CDH4: variants seen among roughly 807,000 people sequenced by gnomAD.
The protein encoded by CDH4 is cadherin-4.
In CDH4, 33 loss-of-function variants were observed where a neutral mutation model predicts 86.0. That is an observed-to-expected ratio of 0.38 (90% CI 0.29 to 0.51). The LOEUF (loss-of-function observed/expected upper bound fraction) is 0.51. Among genes scored for constraint, CDH4 ranks in the 20% least tolerant of loss-of-function variants. The probability of loss-of-function intolerance (pLI) is 0.86; values close to 1 mark genes in which losing one functional copy is unlikely to be tolerated. For synonymous variants in CDH4, 555 were observed against 549.4 expected, an observed-to-expected ratio of 1.01 and a Z score of -0.14; for missense variants, 1,114 against 1,307.4, an observed-to-expected ratio of 0.85 and a Z score of 2.28.
intron 4 of CDH4, among the ~76,000 whole-genome samples, chr20:61,813,966 G>C (rs1980576311): frequency 6.6e-6 from 1 of 152,214 alleles, no homozygotes; most frequent in Non-Finnish European, 1.5e-5. Flanking sequence ...TGTAGCAGGA[G>C]TCCATACGTG....
chr20:61,598,342 A>AC (rs202043934), intron 2 of CDH4, among the ~76,000 whole-genome samples: 22 of 61,032 alleles, frequency 3.6e-4, no homozygotes, highest in Admixed American at 9.0e-4. Context: ...CTGGGACCCC[A>AC]CCCCCCCGGC....
At chr20:61,362,276 G>A (rs934991612) in intron 2 of CDH4, among the ~76,000 whole-genome samples, 3 of 152,222 alleles carry the variant, frequency 2.0e-5, no homozygotes, top group African/African-American at 7.2e-5. Context: ...GTTTTGGGGT[G>A]ATGGAAGCCA....
intron 2 of CDH4, among the ~76,000 whole-genome samples, chr20:61,467,295 A>C (rs2085477788): frequency 6.6e-6 from 1 of 152,210 alleles, no homozygotes; most frequent in Non-Finnish European, 1.5e-5. Flanking sequence ...ATTTCAATTC[A>C]CCACAATGAC....
At chr20:61,881,305 A>G (rs188030000) in intron 7 of CDH4, among the ~76,000 whole-genome samples, 10 of 152,358 alleles carry the variant, frequency 6.6e-5, no homozygotes, top group African/African-American at 1.7e-4. Flanking sequence ...GACGATGGCC[A>G]TGGAGTCTGA....
At position 61,296,026 on chromosome 20, in the gene CDH4, G is replaced by A. The variant is rs925099924; in HGVS notation, c.169+41089G>A. On this transcript the variant is annotated intron_variant, in intron 2 of 15. Coordinates refer to ENST00000614565, the MANE Select transcript of CDH4 (RefSeq NM_001794.5). ...TGGTTTTCAGGAGGACGGAGAAGGGGTGGGGAGTAGTTAATGGCCGAGCCA... is the reference window on the plus strand; with the variant it reads ...TGGTTTTCAGGAGGACGGAGAAGGGATGGGGAGTAGTTAATGGCCGAGCCA... Among the ~76,000 whole-genome samples the A allele has an allele frequency of 5.9e-5, 9 of 152,188 alleles. No homozygotes were observed. The South Asian group carries it at 1.9e-3, about 31-fold the overall frequency.
intron 2 of CDH4, among the ~76,000 whole-genome samples, chr20:61,409,127 G>T (rs1454859953): frequency 6.6e-6 from 1 of 152,202 alleles, no homozygotes; most frequent in African/African-American, 2.4e-5. Flanking sequence ...GGCTGCACCG[G>T]CCACTCCATC....
chr20:61,601,350 G>C (rs1285637284), intron 2 of CDH4, among the ~76,000 whole-genome samples: 1 of 152,086 alleles, frequency 6.6e-6, no homozygotes, highest in Non-Finnish European at 1.5e-5. Flanking sequence ...TCCAACACTG[G>C]GGATCACAGT....
At chr20:61,921,780 A>G (rs1490524682) in intron 9 of CDH4, among the ~76,000 whole-genome samples, 1 of 151,906 alleles carries the variant, frequency 6.6e-6, no homozygotes, top group Non-Finnish European at 1.5e-5. Context: ...TCAAAGCTCT[A>G]TGATAAGAAA....
chr20:61,855,705 C>T (rs953598521), intron 6 of CDH4, among the ~76,000 whole-genome samples: 2 of 152,248 alleles, frequency 1.3e-5, no homozygotes, highest in Non-Finnish European at 2.9e-5. Context: ...ATTGCGGAGA[C>T]GTGGCCCCGT....
chr20:61,426,515 G>T (rs559319584), intron 2 of CDH4, among the ~76,000 whole-genome samples: 1 of 152,308 alleles, frequency 6.6e-6, no homozygotes, highest in South Asian at 2.1e-4. Context: ...TTCAGCAACT[G>T]CAGAAGACGG....
At chr20:61,430,306 C>T (rs560605878) in intron 2 of CDH4, among the ~76,000 whole-genome samples, 1 of 152,222 alleles carries the variant, frequency 6.6e-6, no homozygotes, top group East Asian at 1.9e-4. Context: ...GAGAAGGGGG[C>T]GATATGTTTT....
intron 2 of CDH4, among the ~76,000 whole-genome samples, chr20:61,422,428 A>AAAAAAAAAAAAAAAAAAAAC (rs2085183645): frequency 2.3e-5 from 1 of 44,168 alleles, no homozygotes; most frequent in Non-Finnish European, 3.8e-5. Flanking sequence ...CCGTCTCAAA[A>AAAAAAAAAAAAAAAAAAAAC]AAAAAAAAAA....
intron 4 of CDH4, among the ~76,000 whole-genome samples, chr20:61,773,396 G>A (rs2088801889): frequency 6.6e-6 from 1 of 152,230 alleles, no homozygotes; most frequent in African/African-American, 2.4e-5. Flanking sequence ...TGTGAGTTAG[G>A]GGTGATTTCT....
intron 4 of CDH4, among the ~76,000 whole-genome samples, chr20:61,832,003 C>T (rs1258154192): frequency 7.9e-6 from 1 of 127,318 alleles, no homozygotes; most frequent in Non-Finnish European, 1.9e-5. Context: ...TCTCCTTTGA[C>T]CAGGAGACCA....
In CDH4 at chr20:61,583,029, G is replaced by A. The variant is rs552852124; in HGVS notation, c.170-160534G>A. Reference sequence around the variant, plus strand: ...GCACTGCGCATGAGAGAATTGTACAGTGTGTGGTCCTACTCTTGGTTTTCC... The same window carrying A: ...GCACTGCGCATGAGAGAATTGTACAATGTGTGGTCCTACTCTTGGTTTTCC... On this transcript the variant is annotated intron_variant, in intron 2 of 15. Transcript: ENST00000614565. 1.5e-4 allele frequency among the ~76,000 whole-genome samples: 23 copies of A among 151,982 alleles called. No individual in the cohort carries two copies. The East Asian group carries it at 4.5e-3, about 30-fold the overall frequency.
rs968451022 is a variant in CDH4, at chr20:61,252,618, G to A, written c.57+48G>A. On this transcript the variant is annotated intron_variant, in intron 1 of 15. Coordinates refer to ENST00000614565, the MANE Select transcript of CDH4 (RefSeq NM_001794.5). The surrounding 1 kb of genome is among the most constrained non-coding windows in gnomAD (Gnocchi z 4.4). ...CGCCGTTCGGAAGCCCCGGGCAGCG[G>A]GAGGTCGTCCCCGGATCCCGCGGGG... 2.1e-5 allele frequency: 24 copies of A among 1,141,058 alleles called. No individual in the cohort carries two copies. Among genetic ancestry groups the A allele is most frequent in the South Asian group, 1.3e-4 (3 of 22,886 alleles). The allele number at this position is 1,141,058 out of a possible 1,614,324, so 70.7% of individuals were successfully genotyped here.
chr20:61,271,749 C>G (rs559957444), intron 2 of CDH4, among the ~76,000 whole-genome samples: 7 of 152,218 alleles, frequency 4.6e-5, no homozygotes, highest in South Asian at 2.1e-4. Context: ...GAAGGTGCCC[C>G]TCACGAGATG....
rs371100497 is a variant in CDH4, at chr20:61,282,652, C to T, written c.169+27715C>T. Among the ~76,000 whole-genome samples the T allele has an allele frequency of 8.5e-5, 13 of 152,150 alleles. No individual in the cohort carries two copies. The South Asian group carries it at 2.1e-3, about 24-fold the overall frequency. Reference sequence around the variant, plus strand: ...TACACATGTAATGTGTTCATATGTACATATGTGGGTGCCTTGTGCACACGT... The same window carrying T: ...TACACATGTAATGTGTTCATATGTATATATGTGGGTGCCTTGTGCACACGT... On this transcript the variant is annotated intron_variant, in intron 2 of 15. Transcript: ENST00000614565.
At chr20:61,762,606 A>T (rs2088648551) in intron 3 of CDH4, among the ~76,000 whole-genome samples, 1 of 152,226 alleles carries the variant, frequency 6.6e-6, no homozygotes, top group Non-Finnish European at 1.5e-5. Flanking sequence ...GAAGACAAGG[A>T]GAGGCAGCAA....
Sources: gnomAD v4.1 joint callset for allele counts (sites outside exome capture counted in the v4.1 genomes callset) on GRCh38, gnomAD v4.1.1 for gene constraint, Gnocchi (gnomAD v3.1) non-coding constraint, MANE v1.5 for transcripts, NCBI Gene and HGNC (gene_info 2026-07-23, HGNC 2026-07-21) for gene names.